LRP1B: variants seen among roughly 807,000 people sequenced by gnomAD.
The protein encoded by LRP1B is low-density lipoprotein receptor-related protein 1B.
A neutral mutation model predicts 556.6 loss-of-function variants in LRP1B; 217 were observed. That is an observed-to-expected ratio of 0.39 (90% CI 0.35 to 0.44). The LOEUF (loss-of-function observed/expected upper bound fraction) is 0.44, where lower values mean the gene tolerates loss of function less well. Ranked by LOEUF, LRP1B falls within the 20% of genes least tolerant of loss-of-function variation. The pLI, the probability that LRP1B is intolerant of heterozygous loss-of-function variation, is 1.00. For synonymous variants in LRP1B, 2,047 were observed against 1,865.8 expected (o/e 1.10, Z -2.50); for missense variants, 5,053 against 5,620.8 (o/e 0.90, Z 3.23).
At chr2:141,728,322 G>C (rs375951673) in intron 2 of LRP1B, among the ~76,000 whole-genome samples, 1 of 151,154 alleles carries the variant, frequency 6.6e-6, no homozygotes, top group East Asian at 2.0e-4. Context: ...GTTGTGAGGA[G>C]TGACAATCCC....
chr2:141,922,458 C>T (rs1259539525), intron 1 of LRP1B, among the ~76,000 whole-genome samples: 3 of 152,146 alleles, frequency 2.0e-5, no homozygotes, highest in Non-Finnish European at 4.4e-5. Flanking sequence ...ACTTAATCTG[C>T]GTTTTATCAC....
chr2:140,752,568 G>A (rs532291913), intron 35 of LRP1B, among the ~76,000 whole-genome samples: 18 of 152,124 alleles, frequency 1.2e-4, no homozygotes, highest in Non-Finnish European at 2.2e-4. Flanking sequence ...CAAGTCATCC[G>A]CCTGCCTGGG....
intron 3 of LRP1B, among the ~76,000 whole-genome samples, chr2:141,400,650 G>A (rs1042861985): frequency 4.6e-5 from 7 of 152,080 alleles, no homozygotes; most frequent in Non-Finnish European, 8.8e-5. Flanking sequence ...ACTTTCTCTA[G>A]ACTATGCCAA....
intron 3 of LRP1B, among the ~76,000 whole-genome samples, chr2:141,312,324 T>C (rs971696400): frequency 6.6e-6 from 1 of 152,194 alleles, no homozygotes; most frequent in Non-Finnish European, 1.5e-5. Flanking sequence ...TACTTAATAA[T>C]GTTAAACATA....
At chr2:141,928,976 G>A (rs1426139102) in intron 1 of LRP1B, among the ~76,000 whole-genome samples, 2 of 152,048 alleles carry the variant, frequency 1.3e-5, no homozygotes, top group African/African-American at 4.8e-5. Flanking sequence ...CTTTGTAGGA[G>A]AGCATATTCC....
At position 140,232,384 on chromosome 2, in the gene LRP1B, C is replaced by T. The variant is rs895447468; in HGVS notation, c.*802G>A. On this transcript the variant is annotated 3_prime_UTR_variant, in exon 91 of 91. Coordinates refer to ENST00000389484, the MANE Select transcript of LRP1B (RefSeq NM_018557.3). ...CAAGTACCCAATGCCCTGTTGTGCT[C>T]TAGGCTGGCTATTTATCTCGAGACT... 1 of 151,452 alleles carries T rather than the reference C, an allele frequency of 6.6e-6. No individual in the cohort carries two copies. The highest frequency in any genetic ancestry group is 2.4e-5 in the African/African-American group (1 of 41,300). 9.4% of individuals were successfully genotyped at this position (151,452 alleles called of 1,614,324 possible).
intron 6 of LRP1B, among the ~76,000 whole-genome samples, chr2:141,212,778 G>A (rs1353069567): frequency 6.6e-6 from 1 of 152,036 alleles, no homozygotes; most frequent in Non-Finnish European, 1.5e-5. Flanking sequence ...ATATAAAATG[G>A]TGTAGTACAG....
intron 2 of LRP1B, among the ~76,000 whole-genome samples, chr2:141,502,836 T>A (rs6749551): frequency 0.77 from 114,557 of 149,552 alleles, 44,322 homozygotes; most frequent in East Asian, 0.91. Context: ...TGCAGCCTGG[T>A]GGCAGAGGGA....
At chr2:141,043,366 G>A (rs146887674) in intron 11 of LRP1B, among the ~76,000 whole-genome samples, 22 of 151,938 alleles carry the variant, frequency 1.4e-4, no homozygotes, top group African/African-American at 5.1e-4. Context: ...TGAAGTAGAT[G>A]AATTGAATCT....
At chr2:141,801,987 T>C (rs1340542243) in intron 2 of LRP1B, among the ~76,000 whole-genome samples, 1 of 152,156 alleles carries the variant, frequency 6.6e-6, no homozygotes, top group Non-Finnish European at 1.5e-5. Context: ...TTTATTTTCC[T>C]ACAGTTCTGG....
At position 140,988,040 on chromosome 2, in the gene LRP1B, T is replaced by C. The variant is rs145518417; in HGVS notation, c.2770+1492A>G. Among the ~76,000 whole-genome samples, 341 of 152,218 alleles carry C rather than the reference T, an allele frequency of 2.2e-3. 3 individuals carry two copies. Among genetic ancestry groups the C allele is most frequent in the African/African-American group, 7.9e-3 (327 of 41,560 alleles). Reference sequence around the variant, plus strand: ...GATGTCTCATTATGAATTATAATCATATGGCAAGAGCAACTTGAGCTAAGT... The same window carrying C: ...GATGTCTCATTATGAATTATAATCACATGGCAAGAGCAACTTGAGCTAAGT... On this transcript the variant is annotated intron_variant, in intron 17 of 90. Coordinates refer to ENST00000389484, the MANE Select transcript of LRP1B (RefSeq NM_018557.3).
intron 15 of LRP1B, among the ~76,000 whole-genome samples, chr2:141,000,695 A>G (rs1697393103): frequency 1.3e-5 from 2 of 152,110 alleles, no homozygotes; most frequent in Non-Finnish European, 2.9e-5. Context: ...CACAGAATGT[A>G]CATGGAAATA....
chr2:140,682,944 A>G (rs1240112452), intron 41 of LRP1B, among the ~76,000 whole-genome samples: 1 of 152,192 alleles, frequency 6.6e-6, no homozygotes, highest in Non-Finnish European at 1.5e-5. Context: ...TCTGAATCTG[A>G]GTAGCTCATA....
intron 2 of LRP1B, among the ~76,000 whole-genome samples, chr2:141,660,484 C>CA (rs1558787295): frequency 1.3e-5 from 2 of 152,096 alleles, no homozygotes; most frequent in African/African-American, 2.4e-5. Context: ...AGTTCCCCCC[C>CA]GCTGGTGCCG....
At chr2:141,147,820 A>G (rs1237243223) in intron 7 of LRP1B, among the ~76,000 whole-genome samples, 1 of 152,196 alleles carries the variant, frequency 6.6e-6, no homozygotes, top group Non-Finnish European at 1.5e-5. Flanking sequence ...CTGCATACAC[A>G]ACAGTGGTCC....
intron 77 of LRP1B, among the ~76,000 whole-genome samples, chr2:140,348,486 C>T (rs1681798724): frequency 6.6e-6 from 1 of 152,014 alleles, no homozygotes; most frequent in African/African-American, 2.4e-5. Flanking sequence ...AAATGCACTC[C>T]TACTGTTATG....
At chr2:141,359,956 A>T (rs1036584918) in intron 3 of LRP1B, among the ~76,000 whole-genome samples, 3 of 152,110 alleles carry the variant, frequency 2.0e-5, no homozygotes, top group Non-Finnish European at 4.4e-5. Flanking sequence ...AAAGACACAG[A>T]TACACAAAAC....
chr2:140,485,841 GCACATACACACA>G lies in LRP1B; in HGVS notation c.9244-329_9244-318del, dbSNP rs1323394433. Among the ~76,000 whole-genome samples, 295 of 54,796 alleles carry G rather than the reference GCACATACACACA, an allele frequency of 5.4e-3. 2 individuals carry two copies. The highest frequency in any genetic ancestry group is 0.016 in the African/African-American group (286 of 18,054). The allele number at this position is 54,796 out of a possible 152,430, so 35.9% of individuals were successfully genotyped here. ...TTAAAATTTGGGACAAAATTCTCACGCACATACACACACACACACACACACACACACACACAC... is the reference window on the plus strand; with the variant it reads ...TTAAAATTTGGGACAAAATTCTCACGCACACACACACACACACACACACAC... On this transcript the variant is annotated intron_variant, in intron 58 of 90. Coordinates refer to ENST00000389484, the MANE Select transcript of LRP1B (RefSeq NM_018557.3).
intron 1 of LRP1B, among the ~76,000 whole-genome samples, chr2:141,934,136 A>G (rs1574505653): frequency 6.6e-6 from 1 of 152,180 alleles, no homozygotes. Context: ...TATGAAAAAT[A>G]TTGCTTTTTA....
Sources: allele counts gnomAD v4.1 joint callset (sites outside exome capture counted in the v4.1 genomes callset), GRCh38; gene constraint gnomAD v4.1.1; transcripts MANE v1.5; gene names NCBI Gene and HGNC (gene_info 2026-07-23, HGNC 2026-07-21).